Variants in NEB observed in about 807,000 individuals in gnomAD.
NEB encodes the protein nemaline myopathy type 2.
A neutral mutation model predicts 952.2 loss-of-function variants in NEB; 512 were observed. That is an observed-to-expected ratio of 0.54 (90% CI 0.50 to 0.58). The LOEUF (loss-of-function observed/expected upper bound fraction) is 0.58. Among genes scored for constraint, NEB ranks in the 20% least tolerant of loss-of-function variants. NEB has a pLI of 0.00. For synonymous variants in NEB, 2,900 were observed against 3,149.8 expected (o/e 0.92, Z 2.66); for missense variants, 8,428 against 9,231.1 (o/e 0.91, Z 3.56).
chr2:151,562,564 A>G (rs2096137246), intron 120 of NEB, 47 bp downstream of exon 120: 1 of 1,468,878 alleles, frequency 6.8e-7, no homozygotes, highest in East Asian at 2.3e-5. Flanking sequence ...GCCAAGACAC[A>G]GTCATGGAAG....
intron 40 of NEB, 103 bp from the exon 41 acceptor site, chr2:151,666,504 T>A: frequency 8.6e-7 from 1 of 1,157,766 alleles, no homozygotes; most frequent in Non-Finnish European, 1.2e-6. Flanking sequence ...AGTCTGAATC[T>A]AGGTAACATC....
chr2:151,660,630 T>A (rs536114462), intron 46 of NEB, among the ~76,000 whole-genome samples: 1 of 152,324 alleles, frequency 6.6e-6, no homozygotes, highest in South Asian at 2.1e-4. Context: ...TTTTTCTGTA[T>A]AGACAGAAAT....
chr2:151,698,220 T>C (rs941825437), intron 13 of NEB, among the ~76,000 whole-genome samples: 1 of 152,266 alleles, frequency 6.6e-6, no homozygotes, highest in African/African-American at 2.4e-5. Flanking sequence ...TTCTTTCTTT[T>C]TTTTGTAACA....
Position 151,576,305 on chromosome 2 carries a change from G to A in NEB, c.16754C>T (p.Pro5585Leu). Residue 5585 changes from proline to leucine, a missense_variant, in exon 106 of 182, where the codon CCC becomes CTC. Transcript: ENST00000397345. The part of the protein sequence containing the change: ...LEWLRGIGWM[P>L]QGSPEVLRVK... ...TCTCAACACTTCAGGAGACCCTTGG[G>A]GCATCCAGCCAATGCCACGCAACCA... 1.2e-6 allele frequency: 2 copies of A among 1,609,608 alleles called. No homozygotes were observed. The highest frequency in any genetic ancestry group is 1.3e-5 in the African/African-American group (1 of 74,588).
At chr2:151,499,430 G>T in intron 168 of NEB, 40 bp from the exon 169 acceptor site, 1 of 1,128,426 alleles carries the variant, frequency 8.9e-7, no homozygotes, top group Non-Finnish European at 1.3e-6. Flanking sequence ...AACAAGAGCA[G>T]TCAAAACAGC....
intron 13 of NEB, among the ~76,000 whole-genome samples, chr2:151,702,473 G>A (rs1192483519): frequency 2.0e-5 from 3 of 152,230 alleles, no homozygotes; most frequent in Admixed American, 1.3e-4. Flanking sequence ...GGGTGTTAAA[G>A]TCTCCCATTA....
At chr2:151,658,360 A>G (rs932121507) in intron 47 of NEB, among the ~76,000 whole-genome samples, 1 of 152,220 alleles carries the variant, frequency 6.6e-6, no homozygotes, top group African/African-American at 2.4e-5. Flanking sequence ...AAAATGTGAA[A>G]GTCCCAGAGA....
chr2:151,667,050 T>A (rs1367049155), intron 40 of NEB, among the ~76,000 whole-genome samples: 1 of 151,698 alleles, frequency 6.6e-6, no homozygotes, highest in Non-Finnish European at 1.5e-5. Context: ...AAAAAAAAAA[T>A]TAACTAAAAT....
intron 117 of NEB, 24 bp from the exon 118 acceptor site, chr2:151,563,954 A>G: frequency 6.5e-7 from 1 of 1,534,296 alleles, no homozygotes; most frequent in Non-Finnish European, 8.9e-7. Context: ...ATACATGGCA[A>G]CAAAAGTTTT....
chr2:151,542,044 A>G (rs1411001315), intron 135 of NEB, among the ~76,000 whole-genome samples: 1 of 152,100 alleles, frequency 6.6e-6, no homozygotes, highest in Non-Finnish European at 1.5e-5. Context: ...TTTGGCTCCC[A>G]CCTACCCACA....
intron 169 of NEB, among the ~76,000 whole-genome samples, chr2:151,498,901 A>AAACT: frequency 6.6e-6 from 1 of 152,176 alleles, no homozygotes; most frequent in African/African-American, 2.4e-5. Context: ...TAAAAAAAAG[A>AAACT]AACTTCAAAA....
chr2:151,545,866 A>G (rs1020007872), intron 135 of NEB, 22 bp downstream of exon 135: 2 of 1,432,832 alleles, frequency 1.4e-6, no homozygotes, highest in South Asian at 1.2e-5. Flanking sequence ...ATTGACTTCA[A>G]TGACAAGTAA....
At chr2:151,563,011 C>CTTTTTT (rs397868741) in intron 119 of NEB, among the ~76,000 whole-genome samples, 9 of 93,328 alleles carry the variant, frequency 9.6e-5, no homozygotes, top group Admixed American at 2.8e-4. Flanking sequence ...AATTTCCCAT[C>CTTTTTT]TTTTTTTTTT....
At chr2:151,560,545 G>A in intron 124 of NEB, 47 bp downstream of exon 124, 5 of 1,393,444 alleles carry the variant, frequency 3.6e-6, no homozygotes, top group South Asian at 1.2e-5. Context: ...GGAGAGCAGG[G>A]GAGGGGAGGG....
At position 151,535,790 on chromosome 2, in the gene NEB, C is replaced by A; in HGVS notation, c.21213G>T (p.Lys7071Asn). 1 of 1,571,762 alleles carries A rather than the reference C, an allele frequency of 6.4e-7. No individual in the cohort carries two copies. Among genetic ancestry groups the A allele is most frequent in the East Asian group, 2.3e-5 (1 of 44,182 alleles). Reference sequence around the variant, plus strand: ...TTGTCCTTTCAAATACTTCTTTATACTTATACTAGAAAAAACAGAACATGG... The same window carrying A: ...TTGTCCTTTCAAATACTTCTTTATAATTATACTAGAAAAAACAGAACATGG... ...EKNKTLYSKY[K>N]YKEVFERTKS... The change falls in exon 142 of 182, where the codon AAG (lysine) becomes AAT (asparagine). Residue 7071 changes from lysine to asparagine, a missense_variant. Coordinates refer to ENST00000397345, the MANE Select transcript of NEB (RefSeq NM_001164508.2).
intron 113 of NEB, 74 bp from the exon 114 acceptor site, chr2:151,567,553 A>G (rs2096459409): frequency 1.0e-5 from 14 of 1,380,782 alleles, no homozygotes; most frequent in Non-Finnish European, 1.4e-5. Context: ...ATCATCTACT[A>G]AGGGATATCA....
At chr2:151,576,434 TTG>T in intron 105 of NEB, 80 bp from the exon 106 acceptor site, 1 of 759,786 alleles carries the variant, frequency 1.3e-6, no homozygotes, top group Non-Finnish European at 2.0e-6. Flanking sequence ...AGTTTTTATG[TTG>T]TGTGTGTATA....
In NEB at chr2:151,485,910, G is replaced by A. The variant is rs2152620437; in HGVS notation, c.25428C>T (p.Asp8476=). Residue 8476 remains aspartate, a synonymous_variant, in exon 182 of 182, where the codon GAC becomes GAT. Transcript: ENST00000397345. The stretch of plus-strand genomic sequence containing the variant: ...CCTCATCTGCATCAGCAGCCATATA[G>A]TCATACATGGCACGGAAGATTTTCT... ...TAGKIFRAMY[D]YMAADADEVS... 1.2e-6 allele frequency: 2 copies of A among 1,613,810 alleles called. No homozygotes were observed. Among genetic ancestry groups the A allele is most frequent in the Non-Finnish European group, 1.7e-6 (2 of 1,179,780 alleles).
chr2:151,560,980 AG>A, intron 123 of NEB, 23 bp downstream of exon 123: 1 of 1,443,072 alleles, frequency 6.9e-7, no homozygotes, highest in Non-Finnish European at 9.7e-7. Context: ...CTCATATATA[AG>A]GGGGAAAAAA....
Sources: gnomAD v4.1 joint callset for allele counts (sites outside exome capture counted in the v4.1 genomes callset) on GRCh38, gnomAD v4.1.1 for gene constraint, MANE v1.5 for transcripts, NCBI Gene and HGNC (gene_info 2026-07-23, HGNC 2026-07-21) for gene names.